EYS: variants seen among roughly 807,000 people sequenced by gnomAD.
EYS encodes the protein EGF-like photoreceptor maintenance factor.
EYS carries 250 observed loss-of-function variants against 282.1 expected under a neutral mutation model. The ratio of observed to expected loss-of-function variants is 0.89; its 90% CI spans 0.80 to 0.98. EYS has a LOEUF of 0.98. Among genes scored for constraint, EYS ranks in the 50% least tolerant of loss-of-function variants. The pLI is 0.00. For synonymous variants in EYS, 1,355 were observed against 1,282.9 expected, an observed-to-expected ratio of 1.06 and a Z score of -1.20; for missense variants, 4,016 against 3,709.0, an observed-to-expected ratio of 1.08 and a Z score of -2.15.
intron 31 of EYS, among the ~76,000 whole-genome samples, chr6:64,204,079 C>A (rs1048757417): frequency 6.6e-6 from 1 of 152,166 alleles, no homozygotes; most frequent in African/African-American, 2.4e-5. Flanking sequence ...AAATACCTGG[C>A]ATTAAATATT....
At chr6:64,656,224 T>A (rs1470042946) in intron 22 of EYS, among the ~76,000 whole-genome samples, 1 of 152,148 alleles carries the variant, frequency 6.6e-6, no homozygotes, top group Non-Finnish European at 1.5e-5. Flanking sequence ...TGTTTTACGA[T>A]GGTGTCTAAT....
intron 22 of EYS, among the ~76,000 whole-genome samples, chr6:64,735,684 C>A (rs1772163964): frequency 6.6e-6 from 1 of 151,952 alleles, no homozygotes; most frequent in Admixed American, 6.6e-5. Flanking sequence ...AGGGACATAT[C>A]AAAAAAGAAA....
chr6:64,425,527 G>T (rs1350928314), intron 28 of EYS, among the ~76,000 whole-genome samples: 1 of 151,904 alleles, frequency 6.6e-6, no homozygotes, highest in African/African-American at 2.4e-5. Context: ...GGTGGTGTCT[G>T]CCTGTAATCC....
At chr6:64,749,763 T>C (rs764339930) in intron 22 of EYS, among the ~76,000 whole-genome samples, 13 of 152,180 alleles carry the variant, frequency 8.5e-5, no homozygotes, top group Non-Finnish European at 1.8e-4. Flanking sequence ...TAGCCCAGGT[T>C]GTCTACTCTG....
At chr6:64,119,079 T>G (rs1773485596) in intron 31 of EYS, among the ~76,000 whole-genome samples, 1 of 152,074 alleles carries the variant, frequency 6.6e-6, no homozygotes, top group Non-Finnish European at 1.5e-5. Context: ...TTCTGTAAAT[T>G]AAATTTTGTT....
At chr6:65,211,302 G>GTCACT (rs1190393055) in intron 12 of EYS, among the ~76,000 whole-genome samples, 1 of 151,936 alleles carries the variant, frequency 6.6e-6, no homozygotes, top group Non-Finnish European at 1.5e-5. Flanking sequence ...CTAACAGGAA[G>GTCACT]TCACTTGGTA....
In EYS at chr6:63,806,190, C is replaced by T; in HGVS notation, c.7411G>A (p.Gly2471Arg). 6.4e-7 allele frequency: 1 copy of T among 1,550,762 alleles called. No homozygotes were observed. Among genetic ancestry groups the T allele is most frequent in the Non-Finnish European group, 8.7e-7 (1 of 1,146,356 alleles). Residue 2471 changes from glycine to arginine, a missense_variant and splice_region_variant, in exon 37 of 43, where the codon GGG becomes AGG. Coordinates refer to ENST00000503581, the MANE Select transcript of EYS (RefSeq NM_001142800.2). The stretch of plus-strand genomic sequence containing the variant: ...TCCTAGAGGGTTCAGTTAATCTTAC[C>T]ATGGCCTTTCTGTCCAGTAAAAAAT... ...LIFFTGQKGHGLNGDDFLAVG... is the reference protein window; with the variant it reads ...LIFFTGQKGHRLNGDDFLAVG...
rs150984570 is a variant in EYS, at chr6:64,359,459, T to C, written c.6078+29231A>G. On this transcript the variant is annotated intron_variant, in intron 29 of 42. Coordinates refer to ENST00000503581, the MANE Select transcript of EYS (RefSeq NM_001142800.2). ...ATTCTGTACCACTTGAAGTATGTCA[T>C]TTGTTCTTAGACTCTGAAATACATT... Among the ~76,000 whole-genome samples the C allele has an allele frequency of 4.6e-5, 7 of 151,860 alleles. No homozygotes were observed. The East Asian group carries it at 1.4e-3, about 30-fold the overall frequency.
chr6:65,270,935 C>A (rs970243744), intron 12 of EYS, among the ~76,000 whole-genome samples: 5 of 151,362 alleles, frequency 3.3e-5, no homozygotes, highest in Non-Finnish European at 7.4e-5. Context: ...TCTTTCTGAG[C>A]CCTCACCAGA....
At chr6:64,069,200 T>C (rs1194510473) in intron 32 of EYS, among the ~76,000 whole-genome samples, 1 of 152,054 alleles carries the variant, frequency 6.6e-6, no homozygotes, top group Non-Finnish European at 1.5e-5. Context: ...TGTAAAAGAA[T>C]AAATTTCTAT....
chr6:63,807,331 G>A (rs1770932219), intron 36 of EYS, among the ~76,000 whole-genome samples: 1 of 152,164 alleles, frequency 6.6e-6, no homozygotes, highest in African/African-American at 2.4e-5. Context: ...CTCAAGAGAT[G>A]TTGGAACTCC....
intron 29 of EYS, among the ~76,000 whole-genome samples, chr6:64,322,512 C>T (rs1770252713): frequency 6.6e-6 from 1 of 151,900 alleles, no homozygotes; most frequent in South Asian, 2.1e-4. Context: ...CTTGAGGGGC[C>T]AATATCTCAG....
intron 31 of EYS, among the ~76,000 whole-genome samples, chr6:64,082,791 G>A (rs571765464): frequency 1.3e-5 from 2 of 151,760 alleles, no homozygotes; most frequent in African/African-American, 4.8e-5. Context: ...ACATTTCATT[G>A]TTATAGATCT....
chr6:64,967,085 C>T (rs1326339703), intron 14 of EYS, among the ~76,000 whole-genome samples: 1 of 152,222 alleles, frequency 6.6e-6, no homozygotes, highest in African/African-American at 2.4e-5. Context: ...TCAACTACCA[C>T]TACCTTATTA....
chr6:64,257,059 AAAGCTAAC>A (rs1767426856), intron 30 of EYS, among the ~76,000 whole-genome samples: 1 of 152,024 alleles, frequency 6.6e-6, no homozygotes, highest in African/African-American at 2.4e-5. Flanking sequence ...TTCTTCCTTC[AAAGCTAAC>A]TCCTGATTCT....
chr6:65,516,611 T>C (rs761909030), intron 2 of EYS, among the ~76,000 whole-genome samples: 1 of 152,104 alleles, frequency 6.6e-6, no homozygotes, highest in Non-Finnish European at 1.5e-5. Context: ...ACAATTTTAT[T>C]AAGGGCTTAA....
chr6:65,124,302 T>C (rs1269991545), intron 12 of EYS, among the ~76,000 whole-genome samples: 2 of 152,190 alleles, frequency 1.3e-5, no homozygotes, highest in East Asian at 3.9e-4. Flanking sequence ...TTTGTCACAT[T>C]GAGAAAATTT....
intron 36 of EYS, among the ~76,000 whole-genome samples, chr6:63,843,574 A>G (rs574181157): frequency 6.6e-6 from 1 of 152,318 alleles, no homozygotes; most frequent in African/African-American, 2.4e-5. Flanking sequence ...AAAACACTCA[A>G]TAAACTTGGT....
chr6:65,244,376 C>A (rs958894540), intron 12 of EYS, among the ~76,000 whole-genome samples: 1 of 152,116 alleles, frequency 6.6e-6, no homozygotes, highest in African/African-American at 2.4e-5. Context: ...ATAAGTTATT[C>A]TTTAAAACCT....
Sources: gnomAD v4.1 joint callset for allele counts (sites outside exome capture counted in the v4.1 genomes callset) on GRCh38, gnomAD v4.1.1 for gene constraint, MANE v1.5 for transcripts, NCBI Gene and HGNC (gene_info 2026-07-23, HGNC 2026-07-21) for gene names.